Variants in DNM2 observed in about 807,000 individuals in gnomAD.
DNM2 encodes the protein dynamin 2.
In DNM2, 15 loss-of-function variants were observed where a neutral mutation model predicts 99.0. The observed-to-expected ratio is 0.15, with a 90% CI of 0.10 to 0.23. DNM2 has a LOEUF of 0.23. DNM2 is among the 10% of genes least tolerant of loss of function. The pLI, the probability that DNM2 is intolerant of heterozygous loss-of-function variation, is 1.00. For missense variants in DNM2, 742 were observed against 1,189.4 expected (o/e 0.62, Z 5.53); for synonymous variants, 525 against 481.2 (o/e 1.09, Z -1.19).
rs762677627 is a variant in DNM2 at position 10,823,780 on chromosome 19, C to T, written c.1782-8C>T. ...AGCTTGTGCCCCTCCTTCCCCACCC[C>T]CCCGCAGAAACGTCTACAAGGACCT... On this transcript the variant is annotated splice_polypyrimidine_tract_variant and splice_region_variant and intron_variant, in intron 16 of 20. Coordinates refer to ENST00000389253, the MANE Select transcript of DNM2 (RefSeq NM_001005361.3). 2 of 1,613,420 alleles carry T rather than the reference C, an allele frequency of 1.2e-6. No individual in the cohort carries two copies. The highest frequency in any genetic ancestry group is 1.1e-5 in the South Asian group (1 of 91,078).
In DNM2 at chr19:10,796,915, G is replaced by A. The variant is rs2071956219; in HGVS notation, c.1197-465G>A. Among the ~76,000 whole-genome samples the A allele has an allele frequency of 6.6e-6, 1 of 152,162 alleles. No individual in the cohort carries two copies. Among genetic ancestry groups the A allele is most frequent in the African/African-American group, 2.4e-5 (1 of 41,462 alleles). ...TGAAATGCCTCCCAGTGGGCAGTCT[G>A]TGCTTGCGCGACCACAGTGTCCCCA... On this transcript the variant is annotated intron_variant, in intron 9 of 20. Transcript: ENST00000389253. The surrounding 1 kb of genome is among the most constrained non-coding windows in gnomAD (Gnocchi z 5.6).
intron 15 of DNM2, among the ~76,000 whole-genome samples, chr19:10,813,606 C>T (rs2072628692): frequency 6.6e-6 from 1 of 151,690 alleles, no homozygotes; most frequent in South Asian, 2.1e-4. Context: ...GGAGGATGGC[C>T]TGAGTTCAGG....
chr19:10,744,090 G>A (rs60794082), intron 1 of DNM2, among the ~76,000 whole-genome samples: 12,821 of 151,878 alleles, frequency 0.084, 848 homozygotes, highest in East Asian at 0.37. Context: ...CCCAGGAGGC[G>A]GAGGTTGCAA....
intron 7 of DNM2, among the ~76,000 whole-genome samples, chr19:10,791,460 TA>T (rs1282436158): frequency 6.6e-6 from 1 of 152,190 alleles, no homozygotes; most frequent in African/African-American, 2.4e-5. Context: ...CTTGACTGAT[TA>T]CATCTGCAGT....
chr19:10,797,232 C>T (rs1004323190), intron 9 of DNM2, 148 bp from the exon 10 acceptor site: 27 of 1,223,926 alleles, frequency 2.2e-5, no homozygotes, highest in East Asian at 5.1e-5. Context: ...AAGCAGCTTC[C>T]GGGGCAAATG....
rs1233724166 is a variant in DNM2, at chr19:10,805,930, G to T, written c.1508G>T (p.Ser503Ile). The change falls in exon 13 of 21, where the codon AGC becomes ATC. Residue 503 changes from serine to isoleucine, a missense_variant. Ser to Ile is a moderately radical substitution (Grantham distance 142). This residue lies in a region of DNM2 where 240 missense variants were observed against 431.3 expected (regional missense o/e 0.56). Transcript: ENST00000389253. ...TTTGGTTTCAGTGCCCAGCAGAGGA[G>T]CACGCAGCTGAACAAGAAGAGAGCC... ...FIGFANAQQR[S>I]TQLNKKRAIP... 6.2e-7 allele frequency: 1 copy of T among 1,614,158 alleles called. No individual in the cohort carries two copies. The highest frequency in any genetic ancestry group is 8.5e-7 in the Non-Finnish European group (1 of 1,180,036).
At position 10,765,583 on chromosome 19, in the gene DNM2, A is replaced by G. The variant is rs558071058; in HGVS notation, c.235+5772A>G. Among the ~76,000 whole-genome samples, 1 of 152,144 alleles carries G rather than the reference A, an allele frequency of 6.6e-6. No individual in the cohort carries two copies. Among genetic ancestry groups the G allele is most frequent in the Non-Finnish European group, 1.5e-5 (1 of 68,028 alleles). On this transcript the variant is annotated intron_variant, in intron 2 of 20. Coordinates refer to ENST00000389253, the MANE Select transcript of DNM2 (RefSeq NM_001005361.3). This position sits in a 1 kb window ranked among gnomAD's most constrained non-coding sequence, Gnocchi z 4.4. ...CCCAGGCTGACACCTTCCCAGTGGC[A>G]ATTTGTCCTGGACTGGGAGATATTT...
At chr19:10,720,510 GC>G (rs1307397473) in intron 1 of DNM2, among the ~76,000 whole-genome samples, 1 of 151,952 alleles carries the variant, frequency 6.6e-6, no homozygotes, top group Non-Finnish European at 1.5e-5. Flanking sequence ...ACCAAGCCTC[GC>G]CCCAGGAGTT....
In DNM2 at chr19:10,831,822, TC is replaced by T; in HGVS notation, c.*777del. The stretch of plus-strand genomic sequence containing the variant: ...CTCTCTCTGAGGAGACCTCACCCAC[TC>T]CTCGCTCAGTTTGACCACTGTAAGT... On this transcript the variant is annotated 3_prime_UTR_variant, in exon 21 of 21. Transcript: ENST00000389253. The surrounding 1 kb of genome is among the most constrained non-coding windows in gnomAD (Gnocchi z 4.3). The T allele has an allele frequency of 2.0e-6, 2 of 989,780 alleles. No homozygotes were observed. The highest frequency in any genetic ancestry group is 2.4e-6 in the Non-Finnish European group (2 of 832,564). 61.3% of individuals were successfully genotyped at this position (989,780 alleles called of 1,614,324 possible). A position where few individuals can be genotyped will look rare whatever the true frequency, so the allele number is the denominator to read the frequency against.
At chr19:10,749,423 G>T (rs2070114709) in intron 1 of DNM2, among the ~76,000 whole-genome samples, 1 of 152,202 alleles carries the variant, frequency 6.6e-6, no homozygotes, top group Non-Finnish European at 1.5e-5. Flanking sequence ...CGCCTTCCTG[G>T]AGCGCTTATC....
intron 13 of DNM2, among the ~76,000 whole-genome samples, chr19:10,807,191 GCCT>G (rs1401373919): frequency 6.6e-6 from 1 of 152,068 alleles, no homozygotes; most frequent in Non-Finnish European, 1.5e-5. Flanking sequence ...TCCTGGTTCA[GCCT>G]CCTCAGTAGC....
At chr19:10,732,958 A>G (rs1474444773) in intron 1 of DNM2, among the ~76,000 whole-genome samples, 3 of 151,250 alleles carry the variant, frequency 2.0e-5, no homozygotes, top group African/African-American at 7.3e-5. Flanking sequence ...ATCTCGGCTC[A>G]CTGCAAGCTC....
intron 2 of DNM2, among the ~76,000 whole-genome samples, chr19:10,761,038 G>T (rs1392281980): frequency 2.6e-5 from 4 of 151,696 alleles, no homozygotes; most frequent in Non-Finnish European, 5.9e-5. Context: ...CGCCAGGCTG[G>T]AATGCAGTGG....
At chr19:10,827,882 A>C (rs894299035) in intron 18 of DNM2, among the ~76,000 whole-genome samples, 1 of 152,040 alleles carries the variant, frequency 6.6e-6, no homozygotes, top group Non-Finnish European at 1.5e-5. Context: ...AAAAAGAAAA[A>C]AAAAAGTAAC....
intron 7 of DNM2, among the ~76,000 whole-genome samples, chr19:10,790,055 G>A (rs1478334054): frequency 6.6e-6 from 1 of 152,166 alleles, no homozygotes. Flanking sequence ...CAAGAGCTGG[G>A]CCTTCTTGCT....
chr19:10,806,470 G>A (rs1406915346), intron 13 of DNM2, among the ~76,000 whole-genome samples: 1 of 151,806 alleles, frequency 6.6e-6, no homozygotes, highest in African/African-American at 2.4e-5. Flanking sequence ...TGACCATCCG[G>A]GGCAATACAA....
chr19:10,821,041 C>A (rs974229086), intron 16 of DNM2, among the ~76,000 whole-genome samples: 2 of 152,148 alleles, frequency 1.3e-5, no homozygotes, highest in Non-Finnish European at 2.9e-5. Flanking sequence ...CCGGTGGTAC[C>A]CTGAGACCTG....
At chr19:10,753,183 C>T (rs918040730) in intron 1 of DNM2, among the ~76,000 whole-genome samples, 3 of 152,160 alleles carry the variant, frequency 2.0e-5, no homozygotes, top group Admixed American at 6.6e-5. Context: ...CCTTGCTTGG[C>T]ATAGAGTCAG....
Position 10,831,617 on chromosome 19 carries a change from G to A in DNM2, c.*570G>A, listed in dbSNP as rs1011093691. The A allele has an allele frequency of 1.7e-4, 167 of 985,982 alleles. No individual in the cohort carries two copies. The highest frequency in any genetic ancestry group is 1.9e-4 in the Non-Finnish European group (157 of 830,154). 61.1% of individuals were successfully genotyped at this position (985,982 alleles called of 1,614,324 possible). A position where few individuals can be genotyped will look rare whatever the true frequency, so the allele number is the denominator to read the frequency against. ...GCCTGGCCCAGCCTCGGCTGCCAGA[G>A]GTGCCTTTGCTAGGCCCGGAGCCGT... On this transcript the variant is annotated 3_prime_UTR_variant, in exon 21 of 21. Transcript: ENST00000389253. The surrounding 1 kb of genome is among the most constrained non-coding windows in gnomAD (Gnocchi z 4.3).
Sources: allele counts gnomAD v4.1 joint callset (sites outside exome capture counted in the v4.1 genomes callset), GRCh38; gene constraint gnomAD v4.1.1; regional missense constraint gnomAD v4.1.1; non-coding constraint Gnocchi (gnomAD v3.1); transcripts MANE v1.5; gene names NCBI Gene and HGNC (gene_info 2026-07-23, HGNC 2026-07-21).